The following PXDNL variants were observed in gnomAD, a reference collection of about 807,000 sequenced individuals.
The protein encoded by PXDNL is probable oxidoreductase PXDNL.
PXDNL carries 145 observed loss-of-function variants against 150.8 expected under a neutral mutation model. The observed-to-expected ratio is 0.96, with a 90% CI of 0.84 to 1.10. The LOEUF (loss-of-function observed/expected upper bound fraction) is 1.10. PXDNL is among the 50% of genes least tolerant of loss of function. The pLI is 0.00. For missense variants in PXDNL, 2,087 were observed against 1,873.9 expected (o/e 1.11, Z -2.10); for synonymous variants, 757 against 725.7 (o/e 1.04, Z -0.69).
At chr8:51,452,806 T>G (rs1809833840) in intron 10 of PXDNL, among the ~76,000 whole-genome samples, 2 of 152,210 alleles carry the variant, frequency 1.3e-5, no homozygotes. Flanking sequence ...GATGAAAAAC[T>G]AGTTTAGAAA....
At chr8:51,467,842 T>C (rs1319336407) in intron 8 of PXDNL, among the ~76,000 whole-genome samples, 4 of 152,076 alleles carry the variant, frequency 2.6e-5, no homozygotes, top group African/African-American at 9.7e-5. Flanking sequence ...ACCTTCGTTC[T>C]GAGCTTTTAA....
At chr8:51,399,392 C>T (rs1361508736) in intron 17 of PXDNL, among the ~76,000 whole-genome samples, 1 of 152,152 alleles carries the variant, frequency 6.6e-6, no homozygotes, top group Admixed American at 6.5e-5. Flanking sequence ...CAATACCACT[C>T]ACAATGAACA....
At chr8:51,525,479 G>A (rs1481270151) in intron 4 of PXDNL, among the ~76,000 whole-genome samples, 3 of 152,140 alleles carry the variant, frequency 2.0e-5, no homozygotes, top group East Asian at 1.9e-4. Context: ...ATTCAGAAAC[G>A]TGTCTCCAAC....
intron 2 of PXDNL, among the ~76,000 whole-genome samples, chr8:51,637,724 A>G (rs756841332): frequency 1.8e-4 from 28 of 152,242 alleles, no homozygotes; most frequent in Non-Finnish European, 2.6e-4. Flanking sequence ...TCTACATCTG[A>G]TTGGTCTACC....
chr8:51,756,431 G>C (rs1016208770), intron 1 of PXDNL, among the ~76,000 whole-genome samples: 1 of 148,812 alleles, frequency 6.7e-6, no homozygotes, highest in East Asian at 2.0e-4. Context: ...AAGAGAGAAA[G>C]AAAAAGAAAT....
At position 51,408,904 on chromosome 8, in the gene PXDNL, G is replaced by T; in HGVS notation, c.2720C>A (p.Ser907Tyr). 6.2e-7 allele frequency: 1 copy of T among 1,609,012 alleles called. No individual in the cohort carries two copies. The highest frequency in any genetic ancestry group is 1.7e-5 in the Admixed American group (1 of 59,378). ...CACCGAAGGGTCTCTGAGAGCCTGG[G>T]ATTCCCGCTCCGAGCTCCCGTAAAC... ...SNVYGSSERE[S>Y]QALRDPSVPR... Residue 907 changes from serine (S) to tyrosine (Y), a missense_variant, in exon 17 of 23, where the codon TCC becomes TAC. By Grantham distance (144) the Ser-to-Tyr change is moderately radical (BLOSUM62 -2). Coordinates refer to ENST00000356297, the MANE Select transcript of PXDNL (RefSeq NM_144651.5).
In PXDNL at chr8:51,543,893, A is replaced by C. The variant is rs559486271; in HGVS notation, c.380+12947T>G. Among the ~76,000 whole-genome samples, 4 of 152,274 alleles carry C rather than the reference A, an allele frequency of 2.6e-5. No homozygotes were observed. The East Asian group carries it at 7.7e-4, about 29-fold the overall frequency. ...AATTTATTGGCAAGGATAATCAATA[A>C]AAATATGAAAATATGTCAGCTCTAT... On this transcript the variant is annotated intron_variant, in intron 4 of 22. Transcript: ENST00000356297.
chr8:51,386,358 T>G (rs771742215), intron 17 of PXDNL, among the ~76,000 whole-genome samples: 1 of 152,190 alleles, frequency 6.6e-6, no homozygotes. Context: ...CCCAAAGTGC[T>G]GGGATTACAG....
chr8:51,412,461 G>A (rs1270739197), intron 15 of PXDNL, among the ~76,000 whole-genome samples: 1 of 152,172 alleles, frequency 6.6e-6, no homozygotes, highest in East Asian at 1.9e-4. Context: ...ATCAGGAAGA[G>A]AATATAAATC....
intron 6 of PXDNL, among the ~76,000 whole-genome samples, chr8:51,481,143 C>T (rs1810595984): frequency 6.6e-6 from 1 of 152,144 alleles, no homozygotes; most frequent in Admixed American, 6.5e-5. Flanking sequence ...TGTGGGAAAG[C>T]TTGGAACCTC....
intron 17 of PXDNL, among the ~76,000 whole-genome samples, chr8:51,388,302 G>GT (rs907726300): frequency 7.9e-5 from 12 of 152,006 alleles, no homozygotes; most frequent in African/African-American, 2.7e-4. Flanking sequence ...TAGAAATCTG[G>GT]TTTTTTTATG....
intron 1 of PXDNL, among the ~76,000 whole-genome samples, chr8:51,740,691 T>A (rs900417548): frequency 9.2e-5 from 14 of 152,230 alleles, no homozygotes; most frequent in African/African-American, 3.4e-4. Flanking sequence ...TTTTTTCTTG[T>A]AATTTTGTTT....
chr8:51,749,063 T>G (rs1230703484), intron 1 of PXDNL, among the ~76,000 whole-genome samples: 1 of 152,188 alleles, frequency 6.6e-6, no homozygotes, highest in Non-Finnish European at 1.5e-5. Context: ...AAGGAATAGT[T>G]ATGAATTCTT....
At chr8:51,395,405 C>A (rs1265476717) in intron 17 of PXDNL, among the ~76,000 whole-genome samples, 1 of 152,144 alleles carries the variant, frequency 6.6e-6, no homozygotes, top group South Asian at 2.1e-4. Context: ...TGGTTTATAA[C>A]AGTGACTTAA....
chr8:51,436,325 T>G (rs1809407598), intron 12 of PXDNL: 1 of 463,490 alleles, frequency 2.2e-6, no homozygotes, highest in African/African-American at 2.0e-5. Context: ...TTAAATCTCA[T>G]AAACATTATT....
intron 3 of PXDNL, among the ~76,000 whole-genome samples, chr8:51,567,916 A>G (rs1476027855): frequency 6.6e-6 from 1 of 151,862 alleles, no homozygotes; most frequent in East Asian, 1.9e-4. Flanking sequence ...TTAGAGAATA[A>G]TATCAAGAAA....
chr8:51,443,710 A>G (rs1809607268), intron 12 of PXDNL, among the ~76,000 whole-genome samples: 1 of 152,372 alleles, frequency 6.6e-6, no homozygotes, highest in South Asian at 2.1e-4. Flanking sequence ...TCTCAGTAGT[A>G]GAAGAACTGC....
At chr8:51,662,817 G>A (rs1815304052) in intron 1 of PXDNL, among the ~76,000 whole-genome samples, 1 of 152,308 alleles carries the variant, frequency 6.6e-6, no homozygotes, top group African/African-American at 2.4e-5. Context: ...GCACTCATGG[G>A]AAGTTAAAAT....
intron 1 of PXDNL, among the ~76,000 whole-genome samples, chr8:51,666,100 C>T (rs1254765997): frequency 2.6e-5 from 4 of 152,206 alleles, no homozygotes; most frequent in Non-Finnish European, 5.9e-5. Flanking sequence ...TCCTCCTTTA[C>T]CACTTCGTTC....
Sources: allele counts gnomAD v4.1 joint callset (sites outside exome capture counted in the v4.1 genomes callset), GRCh38; gene constraint gnomAD v4.1.1; transcripts MANE v1.5; gene names NCBI Gene and HGNC (gene_info 2026-07-23, HGNC 2026-07-21).